Variants in ATXN7L1 observed in about 807,000 individuals in gnomAD.
The protein encoded by ATXN7L1 is ataxin-7-like protein 1.
In ATXN7L1, 15 loss-of-function variants were observed where a neutral mutation model predicts 70.8. The ratio of observed to expected loss-of-function variants is 0.21; its 90% confidence interval spans 0.14 to 0.33. The LOEUF is 0.33. ATXN7L1 is among the 10% of genes least tolerant of loss of function. The probability of loss-of-function intolerance (pLI) is 1.00; values close to 1 mark genes in which losing one functional copy is unlikely to be tolerated. For synonymous variants in ATXN7L1, 440 were observed against 445.1 expected (o/e 0.99, Z 0.14); for missense variants, 975 against 1,097.1 (o/e 0.89, Z 1.57).
chr7:105,840,494 A>T (rs1349428753), intron 2 of ATXN7L1, among the ~76,000 whole-genome samples: 1 of 152,148 alleles, frequency 6.6e-6, no homozygotes, highest in Non-Finnish European at 1.5e-5. Flanking sequence ...CTGCCAACAC[A>T]CCAGCTCTTC....
chr7:105,835,440 C>CCA (rs10625037), intron 2 of ATXN7L1, among the ~76,000 whole-genome samples: 83,343 of 150,658 alleles, frequency 0.55, 23,743 homozygotes, highest in East Asian at 0.95. Context: ...CAGGCGTGAG[C>CCA]CAGTGTCCAG....
chr7:105,757,432 A>G (rs1375912764), intron 3 of ATXN7L1, among the ~76,000 whole-genome samples: 2 of 152,066 alleles, frequency 1.3e-5, no homozygotes, highest in Non-Finnish European at 2.9e-5. Context: ...TGATTTTACA[A>G]TGCTCTGGGG....
intron 2 of ATXN7L1, chr7:105,819,790 C>A (rs1360480198): frequency 1.5e-6 from 1 of 667,588 alleles, no homozygotes. Context: ...CGCCCTGGAG[C>A]GCCTCAAGGT....
At chr7:105,613,667 G>A (rs1793387335) in intron 10 of ATXN7L1, 195 bp downstream of exon 10, 1 of 1,448,888 alleles carries the variant, frequency 6.9e-7, no homozygotes, top group Non-Finnish European at 9.1e-7. Context: ...ACAGTGTCTA[G>A]CACATAGTGA....
At position 105,614,672 on chromosome 7, in the gene ATXN7L1, A is replaced by G. The variant is rs879821104; in HGVS notation, c.1662T>C (p.Ser554=). 52 of 1,551,774 alleles carry G rather than the reference A, an allele frequency of 3.4e-5. No homozygotes were observed. Among genetic ancestry groups the G allele is most frequent in the Non-Finnish European group, 4.5e-5 (52 of 1,147,022 alleles). ...GCATGGCTGATGTCATTATGTAAGA[A>G]GAGGTGAGCCTCGAGCTGATGGGAG... is the stretch of plus-strand genomic sequence containing the variant. ...PSAPISSRLT[S]SYIMTSAMLS... The change falls in exon 10 of 12, where the codon TCT becomes TCC. Residue 554 remains serine (S), a synonymous_variant. Transcript: ENST00000419735. This position sits in a 1 kb window ranked among gnomAD's most constrained non-coding sequence, Gnocchi z 4.3.
intron 2 of ATXN7L1, among the ~76,000 whole-genome samples, chr7:105,859,456 C>A (rs1028242589): frequency 1.3e-5 from 2 of 152,050 alleles, no homozygotes; most frequent in Non-Finnish European, 2.9e-5. Context: ...CTTTGGTCAA[C>A]AACAGGCCCA....
At chr7:105,695,663 A>G (rs1400502097) in intron 3 of ATXN7L1, among the ~76,000 whole-genome samples, 2 of 152,178 alleles carry the variant, frequency 1.3e-5, no homozygotes, top group Admixed American at 6.5e-5. Context: ...CTAGCTTAGC[A>G]CATGGTTTGG....
At chr7:105,640,366 G>A (rs1456792669) in intron 5 of ATXN7L1, among the ~76,000 whole-genome samples, 2 of 151,814 alleles carry the variant, frequency 1.3e-5, no homozygotes, top group Non-Finnish European at 1.5e-5. Flanking sequence ...GTGCGGAGAG[G>A]CCAGGCTTCC....
chr7:105,760,448 A>G, intron 3 of ATXN7L1: 1 of 985,722 alleles, frequency 1.0e-6, no homozygotes, highest in Non-Finnish European at 1.2e-6. Flanking sequence ...TCAGGTTTTC[A>G]TCCCATTAAG....
At chr7:105,749,785 G>C (rs1460435859) in intron 3 of ATXN7L1, among the ~76,000 whole-genome samples, 1 of 151,720 alleles carries the variant, frequency 6.6e-6, no homozygotes, top group African/African-American at 2.4e-5. Context: ...TCTCAGGTAG[G>C]GTCTCCACTT....
chr7:105,671,425 T>C (rs1388446928), intron 3 of ATXN7L1, among the ~76,000 whole-genome samples: 1 of 152,218 alleles, frequency 6.6e-6, no homozygotes, highest in African/African-American at 2.4e-5. Flanking sequence ...ACCAATCTAC[T>C]GTGCTAATAT....
chr7:105,805,281 C>A (rs189823098), intron 2 of ATXN7L1, among the ~76,000 whole-genome samples: 45 of 152,270 alleles, frequency 3.0e-4, no homozygotes, highest in Admixed American at 2.3e-3. Context: ...TGGGGGCAGG[C>A]GAGAACTTGC....
intron 3 of ATXN7L1, among the ~76,000 whole-genome samples, chr7:105,731,761 A>AAG (rs1554443704): frequency 6.8e-6 from 1 of 146,948 alleles, no homozygotes; most frequent in African/African-American, 2.6e-5. Flanking sequence ...AAGAAAAGAA[A>AAG]AGAAAAGAAA....
chr7:105,679,712 G>GA (rs1479236584), intron 3 of ATXN7L1, among the ~76,000 whole-genome samples: 1 of 152,092 alleles, frequency 6.6e-6, no homozygotes, highest in Non-Finnish European at 1.5e-5. Flanking sequence ...CACGTTATAT[G>GA]AAATGTCCAG....
chr7:105,800,726 C>T (rs978150566), intron 2 of ATXN7L1, among the ~76,000 whole-genome samples: 7 of 152,204 alleles, frequency 4.6e-5, no homozygotes, highest in African/African-American at 7.2e-5. Context: ...CTGTGCAACA[C>T]AGGGCAAGCC....
chr7:105,790,555 T>C lies in ATXN7L1; in HGVS notation c.251-1847A>G, dbSNP rs181497232. ...ATGATCACACCACTGCACTCCAGCC[T>C]GGGCAACAGAGTGAGACCCTGTCTC... On this transcript the variant is annotated intron_variant, in intron 2 of 11. Transcript: ENST00000419735. Among the ~76,000 whole-genome samples the C allele has an allele frequency of 2.2e-3, 334 of 152,062 alleles. 2 individuals carry two copies. Among genetic ancestry groups the C allele is most frequent in the African/African-American group, 7.8e-3 (322 of 41,484 alleles).
chr7:105,788,547 C>T (rs1216180723), intron 3 of ATXN7L1, 57 bp downstream of exon 3: 17 of 1,397,494 alleles, frequency 1.2e-5, no homozygotes, highest in African/African-American at 5.7e-5. Context: ...CAGGGGAAGG[C>T]GACTGTCCCC....
intron 3 of ATXN7L1, among the ~76,000 whole-genome samples, chr7:105,770,085 T>C (rs1336204820): frequency 6.6e-6 from 1 of 152,236 alleles, no homozygotes; most frequent in African/African-American, 2.4e-5. Context: ...AAGATCTGAC[T>C]GGTGCATGTA....
chr7:105,865,487 C>T lies in ATXN7L1; in HGVS notation c.250+10325G>A, dbSNP rs904572139. The stretch of plus-strand genomic sequence containing the variant: ...CGCGATCTCAGCTCACTGCAACCTC[C>T]GCCTCCCGGGTTCAAGTGATTCTCC... On this transcript the variant is annotated intron_variant, in intron 2 of 11. Coordinates refer to ENST00000419735, the MANE Select transcript of ATXN7L1 (RefSeq NM_020725.2). Among the ~76,000 whole-genome samples, 6 of 151,888 alleles carry T rather than the reference C, an allele frequency of 4.0e-5. No individual in the cohort carries two copies. The South Asian group carries it at 6.2e-4, about 16-fold the overall frequency.
Sources: gnomAD v4.1 joint callset for allele counts (sites outside exome capture counted in the v4.1 genomes callset) on GRCh38, gnomAD v4.1.1 for gene constraint, Gnocchi (gnomAD v3.1) non-coding constraint, MANE v1.5 for transcripts, NCBI Gene and HGNC (gene_info 2026-07-23, HGNC 2026-07-21) for gene names.